Variants in CFAP47 observed in about 807,000 individuals in gnomAD.
CFAP47 encodes cilia and flagella associated protein 47.
Under a neutral mutation model 148.1 loss-of-function variants are expected in CFAP47, and 29 were observed. The observed-to-expected ratio is 0.20, with a 90% CI of 0.15 to 0.27. The LOEUF is 0.27. CFAP47 is among the 10% of genes least tolerant of loss of function. The pLI is 1.00. For missense variants in CFAP47, 1,872 were observed against 1,697.5 expected (o/e 1.10, Z -1.81); for synonymous variants, 664 against 577.3 (o/e 1.15, Z -2.15).
At chrX:36,188,763 G>C (rs1294106332) in intron 41 of CFAP47, 73 bp downstream of exon 41, 4 of 288,961 alleles carry the variant, frequency 1.4e-5, no homozygotes, top group Non-Finnish European at 2.4e-5. Flanking sequence ...TATGAAATGA[G>C]ATATTCAACA....
chrX:36,224,500 A>C (rs2146897894), intron 45 of CFAP47, among the ~76,000 whole-genome samples: 1 of 111,675 alleles, frequency 9.0e-6, no homozygotes, highest in African/African-American at 3.2e-5. Context: ...TTCCTCGTTG[A>C]CCTGGTTGTG....
intron 30 of CFAP47, among the ~76,000 whole-genome samples, chrX:36,089,964 C>G (rs751610279): frequency 8.9e-6 from 1 of 111,816 alleles, no homozygotes; most frequent in South Asian, 3.7e-4. Context: ...TGAAACTATT[C>G]CAATATAGTA....
At chrX:36,271,383 A>G (rs1354979372) in intron 49 of CFAP47, among the ~76,000 whole-genome samples, 1 of 111,278 alleles carries the variant, frequency 9.0e-6, no homozygotes, top group Non-Finnish European at 1.9e-5. Flanking sequence ...CATGGAGTCA[A>G]AGGATGATGC....
intron 40 of CFAP47, among the ~76,000 whole-genome samples, chrX:36,181,812 G>T (rs1005559144): frequency 8.9e-6 from 1 of 111,836 alleles, no homozygotes; most frequent in Admixed American, 9.5e-5. Context: ...CAAAGGCAAG[G>T]GCAATTCTTA....
chrX:35,989,687 A>G (rs1601919459), intron 16 of CFAP47: 1 of 800,662 alleles, frequency 1.2e-6, no homozygotes, highest in Non-Finnish European at 1.7e-6. Context: ...TACTTGATGG[A>G]TTAAAAATGT....
intron 21 of CFAP47, among the ~76,000 whole-genome samples, chrX:36,010,990 G>T (rs180920631): frequency 9.0e-6 from 1 of 111,280 alleles, no homozygotes; most frequent in East Asian, 2.8e-4. Context: ...TTATAATTTG[G>T]TAACTCTGTA....
At chrX:35,968,508 T>A (rs1271970489) in intron 10 of CFAP47, among the ~76,000 whole-genome samples, 1 of 111,829 alleles carries the variant, frequency 8.9e-6, no homozygotes, top group Non-Finnish European at 1.9e-5. Flanking sequence ...GAGACCGGAA[T>A]AAGTTTTTTT....
At chrX:36,292,824 C>T (rs1569310246) in intron 51 of CFAP47, among the ~76,000 whole-genome samples, 1 of 111,334 alleles carries the variant, frequency 9.0e-6, no homozygotes, top group Non-Finnish European at 1.9e-5. Flanking sequence ...TAACTGGAGA[C>T]TTTTAAATTC....
At chrX:36,170,511 T>G (rs374626484) in intron 39 of CFAP47, among the ~76,000 whole-genome samples, 4 of 110,203 alleles carry the variant, frequency 3.6e-5, no homozygotes, top group East Asian at 5.8e-4. Context: ...TGTGTTCTCA[T>G]TGTCAATTCC....
chrX:36,148,893 CTGTA>C lies in CFAP47; in HGVS notation c.5671-207_5671-204del, dbSNP rs926313934. 4.7e-5 allele frequency among the ~76,000 whole-genome samples: 4 copies of C among 84,807 alleles called. No homozygotes were observed. In the East Asian group the frequency reaches 1.1e-3, roughly 23 times the overall value. The allele number at this position is 84,807 out of a possible 115,157, so 73.6% of individuals were successfully genotyped here. ...CTTCTCTTTGCCCACTTCAGCTAAA[CTGTA>C]TGTATGTGTGTGTGTGTGTGTGTGT... On this transcript the variant is annotated intron_variant, in intron 36 of 63. Transcript: ENST00000378653.
At chrX:36,078,996 A>T (rs1405495905) in intron 29 of CFAP47, among the ~76,000 whole-genome samples, 1 of 111,659 alleles carries the variant, frequency 9.0e-6, no homozygotes, top group Non-Finnish European at 1.9e-5. Flanking sequence ...AGAATATTGA[A>T]TATTGGCCCC....
intron 45 of CFAP47, among the ~76,000 whole-genome samples, chrX:36,212,756 G>C: frequency 9.0e-6 from 1 of 111,167 alleles, no homozygotes; most frequent in Non-Finnish European, 1.9e-5. Flanking sequence ...GAGATAAGCA[G>C]AGCAAGATGG....
At chrX:36,179,940 C>A (rs891433645) in intron 40 of CFAP47, among the ~76,000 whole-genome samples, 1 of 111,197 alleles carries the variant, frequency 9.0e-6, no homozygotes, top group East Asian at 2.8e-4. Context: ...ATTGTCTCTA[C>A]CTCTTGTCAT....
At chrX:36,298,450 C>G (rs192386780) in intron 51 of CFAP47, among the ~76,000 whole-genome samples, 4,468 of 103,992 alleles carry the variant, frequency 0.043, 130 homozygotes, top group Admixed American at 0.092. Context: ...GGGAAATATA[C>G]CTAATGCTAG....
chrX:35,989,405 C>T lies in CFAP47; in HGVS notation c.2800C>T (p.His934Tyr). 1 of 1,210,436 alleles carries T rather than the reference C, an allele frequency of 8.3e-7. No individual in the cohort carries two copies. Among genetic ancestry groups the T allele is most frequent in the Non-Finnish European group, 1.1e-6 (1 of 894,290 alleles). ...SSPEEGEFIL[H>Y]VFQGNALKLK... is the part of the protein sequence containing the mutation. ...TCCAGAAGAAGGAGAATTTATTCTT[C>T]ATGTCTTTCAAGGAAACGCGTTGAA... Residue 934 changes from histidine (H) to tyrosine (Y), a missense_variant, in exon 16 of 64, where the codon CAT (histidine) becomes TAT (tyrosine). Coordinates refer to ENST00000378653, the MANE Select transcript of CFAP47 (RefSeq NM_001304548.2).
intron 45 of CFAP47, among the ~76,000 whole-genome samples, chrX:36,220,396 A>G (rs1328689392): frequency 9.0e-6 from 1 of 110,624 alleles, no homozygotes; most frequent in African/African-American, 3.3e-5. Flanking sequence ...ACAAAGATAT[A>G]TATATATCCT....
intron 26 of CFAP47, among the ~76,000 whole-genome samples, chrX:36,048,029 T>C (rs777989487): frequency 2.7e-5 from 3 of 111,709 alleles, no homozygotes; most frequent in South Asian, 7.6e-4. Flanking sequence ...CTTTTACTGG[T>C]GACTGGTTAA....
chrX:36,342,709 C>A (rs1941664074), intron 57 of CFAP47, among the ~76,000 whole-genome samples: 1 of 111,598 alleles, frequency 9.0e-6, no homozygotes, highest in Non-Finnish European at 1.9e-5. Context: ...ACAGATGGAT[C>A]AAATATTTAA....
In CFAP47 at chrX:36,355,793, T is replaced by C. The variant is rs782562556; in HGVS notation, c.8851+2112T>C. ...TCTAGGGATCTGTTGTAAAACATAG[T>C]GCTTAGAGTTAACAATATTGTGTGG... On this transcript the variant is annotated intron_variant, in intron 60 of 63. Coordinates refer to ENST00000378653, the MANE Select transcript of CFAP47 (RefSeq NM_001304548.2). Among the ~76,000 whole-genome samples, 42 of 111,982 alleles carry C rather than the reference T, an allele frequency of 3.8e-4. No individual in the cohort carries two copies. In the South Asian group the frequency reaches 0.014, roughly 36 times the overall value.
Sources: gnomAD v4.1 joint callset for allele counts (sites outside exome capture counted in the v4.1 genomes callset) on GRCh38, gnomAD v4.1.1 for gene constraint, MANE v1.5 for transcripts, NCBI Gene and HGNC (gene_info 2026-07-23, HGNC 2026-07-21) for gene names.